Variants in COL6A6 observed in about 807,000 individuals in gnomAD.
COL6A6 encodes the protein collagen type VI alpha 6 chain, also known as collagen alpha-6(VI) chain.
A neutral mutation model predicts 208.6 loss-of-function variants in COL6A6; 183 were observed. The ratio of observed to expected loss-of-function variants is 0.88; its 90% CI spans 0.78 to 0.99. The LOEUF is 0.99. Ranked by LOEUF, COL6A6 falls within the 50% of genes least tolerant of loss-of-function variation. The probability of loss-of-function intolerance (pLI) is 0.00; values close to 1 mark genes in which losing one functional copy is unlikely to be tolerated. For missense variants in COL6A6, 2,816 were observed against 2,815.2 expected (o/e 1.00, Z -0.01); for synonymous variants, 973 against 1,011.8 (o/e 0.96, Z 0.73).
chr3:130,598,463 A>G (rs1474461130), intron 19 of COL6A6, 33 bp downstream of exon 19: 4 of 1,414,318 alleles, frequency 2.8e-6, no homozygotes, highest in South Asian at 1.2e-5. Flanking sequence ...TCGTGATGCA[A>G]CAACTGTGGG....
At chr3:130,567,371 T>A in intron 5 of COL6A6, 109 bp downstream of exon 5, 3 of 839,050 alleles carry the variant, frequency 3.6e-6, no homozygotes, top group Non-Finnish European at 5.5e-6. Context: ...AAGTTGAGAT[T>A]TGTTAACTTG....
At chr3:130,582,914 G>A (rs1336960529) in intron 10 of COL6A6, among the ~76,000 whole-genome samples, 3 of 152,264 alleles carry the variant, frequency 2.0e-5, no homozygotes, top group East Asian at 1.9e-4. Context: ...GACACCAGTG[G>A]TGTGCTGCAA....
chr3:130,581,793 C>G lies in COL6A6; in HGVS notation c.3780C>G (p.Asn1260Lys), dbSNP rs1366960270. ...YSPKFEIYSE[N>K]ILNSLKDITV... ...CCAAGTTTGAGATCTACAGTGAAAA[C>G]ATACTGAATAGCTTGAAGGATATAA... The change falls in exon 9 of 37, where the codon AAC becomes AAG. Residue 1260 changes from asparagine (N) to lysine (K), a missense_variant. Transcript: ENST00000358511. The G allele has an allele frequency of 1.2e-6, 2 of 1,613,316 alleles. No homozygotes were observed. The highest frequency in any genetic ancestry group is 2.7e-5 in the African/African-American group (2 of 74,914).
At position 130,563,171 on chromosome 3, in the gene COL6A6, T is replaced by A; in HGVS notation, c.168T>A (p.Ser56Arg). The A allele has an allele frequency of 6.2e-7, 1 of 1,613,960 alleles. No homozygotes were observed. The highest frequency in any genetic ancestry group is 8.5e-7 in the Non-Finnish European group (1 of 1,179,884). The change falls in exon 3 of 37, where the codon AGT becomes AGA. Residue 56 changes from serine (S) to arginine (R), a missense_variant. Physicochemically the swap from Ser to Arg is moderately radical, Grantham distance 110 (BLOSUM62 -1). Transcript: ENST00000358511. ...VKMFITKMIS[S>R]LPIEADKYRV... Reference sequence around the variant, plus strand: ...TGTTCATCACCAAAATGATCAGCAGTCTCCCCATAGAGGCCGACAAATACC... The same window carrying A: ...TGTTCATCACCAAAATGATCAGCAGACTCCCCATAGAGGCCGACAAATACC...
chr3:130,547,237 A>T (rs1011280957), intron 1 of COL6A6, among the ~76,000 whole-genome samples: 1 of 152,238 alleles, frequency 6.6e-6, no homozygotes. Context: ...GGGAGAATTC[A>T]AGCGTGGCAA....
In COL6A6 at chr3:130,593,213, TC is replaced by T; in HGVS notation, c.4433del (p.Pro1478LeufsTer43). 1 of 1,613,332 alleles carries T rather than the reference TC, an allele frequency of 6.2e-7. No individual in the cohort carries two copies. Among genetic ancestry groups the T allele is most frequent in the Non-Finnish European group, 8.5e-7 (1 of 1,179,316 alleles). The part of the protein sequence containing the change: ...LNGEQGDNGL[P>X]GRKGEKGDEG... ...TTGTTTTTTAGGGTGATAATGGTCT[TC>T]CTGGAAGAAAAGGAGAAAAGGGAGA... On this transcript the variant is annotated frameshift_variant, in exon 17 of 37. Coordinates refer to ENST00000358511, the MANE Select transcript of COL6A6 (RefSeq NM_001102608.3). LOFTEE classifies it high-confidence loss of function.
Position 130,658,491 on chromosome 3 carries a change from G to A in COL6A6, c.5734-185G>A, listed in dbSNP as rs1398044139. Among the ~76,000 whole-genome samples, 5 of 152,166 alleles carry A rather than the reference G, an allele frequency of 3.3e-5. No individual in the cohort carries two copies. In the East Asian group the frequency reaches 7.7e-4, roughly 23 times the overall value. On this transcript the variant is annotated intron_variant, in intron 33 of 36. Coordinates refer to ENST00000358511, the MANE Select transcript of COL6A6 (RefSeq NM_001102608.3). Reference sequence around the variant, plus strand: ...AACATGGAAAATAACTTGTCATATAGTTAAATTGAGAGTCAAGGTTTAAAC... The same window carrying A: ...AACATGGAAAATAACTTGTCATATAATTAAATTGAGAGTCAAGGTTTAAAC...
At chr3:130,534,285 T>C (rs1209465616) in intron 1 of COL6A6, among the ~76,000 whole-genome samples, 1 of 152,204 alleles carries the variant, frequency 6.6e-6, no homozygotes, top group Non-Finnish European at 1.5e-5. Context: ...GATCTTTTCA[T>C]GTGGCTATTG....
chr3:130,526,097 T>C (rs955705869), intron 1 of COL6A6, among the ~76,000 whole-genome samples: 1 of 152,180 alleles, frequency 6.6e-6, no homozygotes, highest in Non-Finnish European at 1.5e-5. Flanking sequence ...AAATGACTTA[T>C]AGGTAGTATT....
chr3:130,542,619 G>T (rs1450758652), intron 1 of COL6A6, among the ~76,000 whole-genome samples: 3 of 152,080 alleles, frequency 2.0e-5, no homozygotes, highest in Non-Finnish European at 2.9e-5. Context: ...TGATAGAGGG[G>T]TATTGAAGTC....
chr3:130,540,884 G>C (rs112844694), intron 1 of COL6A6, among the ~76,000 whole-genome samples: 2 of 152,250 alleles, frequency 1.3e-5, no homozygotes, highest in African/African-American at 4.8e-5. Flanking sequence ...ATATGTACCA[G>C]TTCTCTTCAT....
chr3:130,606,408 GC>G (rs1210456637), intron 20 of COL6A6, among the ~76,000 whole-genome samples: 1 of 152,124 alleles, frequency 6.6e-6, no homozygotes, highest in Non-Finnish European at 1.5e-5. Context: ...TCTCAGGTAA[GC>G]ATATTATTTG....
chr3:130,562,999 A>C, intron 2 of COL6A6, 69 bp from the exon 3 acceptor site: 1 of 1,097,642 alleles, frequency 9.1e-7, no homozygotes, highest in Admixed American at 2.2e-5. Flanking sequence ...CCCGCCATAG[A>C]GTTGGCATTA....
intron 28 of COL6A6, among the ~76,000 whole-genome samples, chr3:130,638,248 TATC>T (rs1304836517): frequency 1.3e-5 from 2 of 152,206 alleles, no homozygotes; most frequent in African/African-American, 4.8e-5. Context: ...TGCCTCTAAA[TATC>T]ATACTTACCT....
intron 12 of COL6A6, 130 bp downstream of exon 12, chr3:130,589,312 T>G (rs1247810365): frequency 3.5e-6 from 2 of 578,698 alleles, no homozygotes; most frequent in African/African-American, 3.8e-5. Flanking sequence ...ATTATACTCC[T>G]CTTTTTATAT....
At chr3:130,647,639 C>A (rs935820081) in intron 32 of COL6A6, among the ~76,000 whole-genome samples, 3 of 152,196 alleles carry the variant, frequency 2.0e-5, no homozygotes, top group African/African-American at 7.2e-5. Flanking sequence ...GGGAGGAGGT[C>A]ATAGTTTAGC....
chr3:130,670,530 T>C (rs1005103694), intron 36 of COL6A6, among the ~76,000 whole-genome samples: 1 of 152,196 alleles, frequency 6.6e-6, no homozygotes, highest in Non-Finnish European at 1.5e-5. Context: ...CTCCCTCCAC[T>C]TCCCCAGGAC....
At position 130,571,284 on chromosome 3, in the gene COL6A6, G is replaced by GTGGCGCCC; in HGVS notation, c.2869_2870insGGCGCCCT (p.Leu957TrpfsTer4). On this transcript the variant is annotated frameshift_variant, in exon 7 of 37. Transcript: ENST00000358511. LOFTEE classifies it high-confidence loss of function. Reference sequence around the variant, plus strand: ...TTGATGGTGCCAATCCCGTGGAGCTGTTAGCCATGGCAGGATCAAGCGACA... The same window carrying GTGGCGCCC: ...TTGATGGTGCCAATCCCGTGGAGCTGTGGCGCCCTTAGCCATGGCAGGATCAAGCGACA... The GTGGCGCCC allele has an allele frequency of 6.2e-7, 1 of 1,614,044 alleles. No individual in the cohort carries two copies. Among genetic ancestry groups the GTGGCGCCC allele is most frequent in the South Asian group, 1.1e-5 (1 of 91,086 alleles).
chr3:130,563,356 A>C lies in COL6A6; in HGVS notation c.353A>C (p.Tyr118Ser). Reference protein sequence around the residue: ...GKALQEAHRTYFSAPANGRDK... With the variant: ...GKALQEAHRTSFSAPANGRDK... ...GCTCTTCAGGAGGCTCACAGGACTTATTTCTCTGCACCCGCAAATGGGAGA... is the reference window on the plus strand; with the variant it reads ...GCTCTTCAGGAGGCTCACAGGACTTCTTTCTCTGCACCCGCAAATGGGAGA... Residue 118 changes from tyrosine to serine, a missense_variant, in exon 3 of 37, where the codon TAT (tyrosine) becomes TCT (serine). Physicochemically the swap from Tyr to Ser is moderately radical, Grantham distance 144 (BLOSUM62 -2). Coordinates refer to ENST00000358511, the MANE Select transcript of COL6A6 (RefSeq NM_001102608.3). 1 of 1,613,970 alleles carries C rather than the reference A, an allele frequency of 6.2e-7. No individual in the cohort carries two copies.
Sources: allele counts gnomAD v4.1 joint callset (sites outside exome capture counted in the v4.1 genomes callset), GRCh38; gene constraint gnomAD v4.1.1; transcripts MANE v1.5; gene names NCBI Gene and HGNC (gene_info 2026-07-23, HGNC 2026-07-21).